The following EPHA6 variants were observed in gnomAD, a reference collection of about 807,000 sequenced individuals.
EPHA6 encodes ephrin type-A receptor 6.
EPHA6 carries 50 observed loss-of-function variants against 112.0 expected under a neutral mutation model. That is an observed-to-expected ratio of 0.45 (90% CI 0.36 to 0.56). The LOEUF (loss-of-function observed/expected upper bound fraction) is 0.56. Ranked by LOEUF, EPHA6 falls within the 20% of genes least tolerant of loss-of-function variation. The pLI, the probability that EPHA6 is intolerant of heterozygous loss-of-function variation, is 0.00. For missense variants in EPHA6, 1,280 were observed against 1,417.4 expected (o/e 0.90, Z 1.56); for synonymous variants, 529 against 490.7 (o/e 1.08, Z -1.03).
At chr3:97,044,339 A>C (rs2045428385) in intron 3 of EPHA6, among the ~76,000 whole-genome samples, 1 of 152,202 alleles carries the variant, frequency 6.6e-6, no homozygotes, top group Admixed American at 6.5e-5. Flanking sequence ...TTGACTAATC[A>C]ACCTGTATAT....
intron 3 of EPHA6, chr3:96,994,208 C>A (rs762595127): frequency 4.9e-6 from 2 of 407,088 alleles, no homozygotes; most frequent in Non-Finnish European, 1.0e-5. Flanking sequence ...TAAAAGCAAA[C>A]ACGAATAATT....
chr3:97,160,142 T>C (rs1488841395), intron 3 of EPHA6, among the ~76,000 whole-genome samples: 7 of 152,044 alleles, frequency 4.6e-5, no homozygotes, highest in South Asian at 2.1e-4. Flanking sequence ...CTTGAGCTCA[T>C]TGGGTAATGA....
chr3:97,716,745 A>T (rs1427602221), intron 14 of EPHA6, among the ~76,000 whole-genome samples: 3 of 152,200 alleles, frequency 2.0e-5, no homozygotes, highest in Non-Finnish European at 4.4e-5. Flanking sequence ...AAAAGATGTG[A>T]CTGCTTCCCT....
At chr3:97,493,960 G>A (rs1468464427) in intron 10 of EPHA6, among the ~76,000 whole-genome samples, 9 of 152,124 alleles carry the variant, frequency 5.9e-5, no homozygotes, top group African/African-American at 2.2e-4. Context: ...CAGATAATAT[G>A]CTGATGTGAT....
chr3:96,983,224 A>G (rs892617114), intron 2 of EPHA6, among the ~76,000 whole-genome samples: 4 of 152,048 alleles, frequency 2.6e-5, no homozygotes, highest in African/African-American at 7.2e-5. Flanking sequence ...TGCTTCCTTC[A>G]GGAGCTCTTG....
chr3:97,271,319 T>TA (rs201204629), intron 5 of EPHA6, among the ~76,000 whole-genome samples: 1,944 of 152,350 alleles, frequency 0.013, 36 homozygotes, highest in African/African-American at 0.042. Flanking sequence ...AAATAATTAT[T>TA]AAATGGTATT....
At chr3:97,396,629 C>A in intron 5 of EPHA6, among the ~76,000 whole-genome samples, 1 of 151,538 alleles carries the variant, frequency 6.6e-6, no homozygotes, top group East Asian at 1.9e-4. Context: ...TTTTTCAATT[C>A]TTTCGTAGCA....
intron 6 of EPHA6, among the ~76,000 whole-genome samples, chr3:97,419,101 T>G (rs367620035): frequency 7.1e-4 from 108 of 152,090 alleles, no homozygotes; most frequent in African/African-American, 2.2e-3. Flanking sequence ...GTTCGGGAGT[T>G]TAACACCTGC....
intron 10 of EPHA6, 88 bp downstream of exon 10, chr3:97,484,147 T>C: frequency 7.7e-7 from 1 of 1,298,958 alleles, no homozygotes; most frequent in East Asian, 2.7e-5. Context: ...ATCTTGGCAG[T>C]TTTGGTCATT....
intron 10 of EPHA6, among the ~76,000 whole-genome samples, chr3:97,520,221 C>A (rs544645274): frequency 4.6e-5 from 7 of 152,212 alleles, no homozygotes; most frequent in Non-Finnish European, 8.8e-5. Flanking sequence ...CCTACCTCAG[C>A]CTCCCAAAGT....
chr3:96,981,375 C>G (rs1036990652), intron 2 of EPHA6, among the ~76,000 whole-genome samples: 2 of 152,038 alleles, frequency 1.3e-5, no homozygotes, highest in Non-Finnish European at 2.9e-5. Flanking sequence ...TATGTTGAAC[C>G]AGCCTTACAT....
intron 2 of EPHA6, among the ~76,000 whole-genome samples, chr3:96,923,389 T>C (rs1402149112): frequency 2.6e-5 from 4 of 152,214 alleles, no homozygotes; most frequent in African/African-American, 9.6e-5. Context: ...CTAATGATCA[T>C]TGATGTTGAA....
intron 3 of EPHA6, among the ~76,000 whole-genome samples, chr3:97,010,909 G>C (rs575928119): frequency 6.7e-4 from 102 of 152,226 alleles, no homozygotes; most frequent in Non-Finnish European, 1.2e-3. Flanking sequence ...GAAAGAATTT[G>C]GTTTTTATTA....
At chr3:97,161,713 A>T (rs2076420107) in intron 3 of EPHA6, among the ~76,000 whole-genome samples, 1 of 152,158 alleles carries the variant, frequency 6.6e-6, no homozygotes, top group African/African-American at 2.4e-5. Context: ...GCAGAAAAAA[A>T]AAGGCCCCTG....
At chr3:97,049,997 A>G (rs1191361675) in intron 3 of EPHA6, among the ~76,000 whole-genome samples, 1 of 152,218 alleles carries the variant, frequency 6.6e-6, no homozygotes, top group Admixed American at 6.5e-5. Context: ...TTGAAACTTC[A>G]AAGAAAAGAG....
At chr3:97,507,432 T>C (rs968832663) in intron 10 of EPHA6, among the ~76,000 whole-genome samples, 1 of 152,208 alleles carries the variant, frequency 6.6e-6, no homozygotes, top group African/African-American at 2.4e-5. Flanking sequence ...CTTGTGGTTT[T>C]TGTCATTGGT....
At chr3:97,089,793 G>GC (rs1448756405) in intron 3 of EPHA6, among the ~76,000 whole-genome samples, 2 of 150,500 alleles carry the variant, frequency 1.3e-5, no homozygotes, top group Non-Finnish European at 3.0e-5. Flanking sequence ...CATTTGGTAA[G>GC]CCCATCAAAC....
At chr3:97,327,927 ATATATGTATATGTGTATGTATATGTAT>A (rs1559887644) in intron 5 of EPHA6, among the ~76,000 whole-genome samples, 30 of 126,646 alleles carry the variant, frequency 2.4e-4, no homozygotes, top group African/African-American at 1.2e-3. Flanking sequence ...ATATGTGCAT[ATATATGTATATGTGTATGTATATGTAT>A]CTGTGTGTAT....
chr3:97,038,167 A>G (rs1204571650), intron 3 of EPHA6, among the ~76,000 whole-genome samples: 2 of 152,054 alleles, frequency 1.3e-5, no homozygotes, highest in Non-Finnish European at 2.9e-5. Flanking sequence ...GGAACATTCA[A>G]ATTATTCTCA....
Sources: allele counts gnomAD v4.1 joint callset (sites outside exome capture counted in the v4.1 genomes callset), GRCh38; gene constraint gnomAD v4.1.1; transcripts MANE v1.5; gene names NCBI Gene and HGNC (gene_info 2026-07-23, HGNC 2026-07-21).